The following ZFP1 variants were observed in gnomAD, a reference collection of about 807,000 sequenced individuals.
ZFP1 encodes the protein ZFP1 zinc finger protein, also known as zinc finger protein 1 homolog.
ZFP1 carries 32 observed loss-of-function variants against 38.5 expected under a neutral mutation model. That is an observed-to-expected ratio of 0.83 (90% CI 0.63 to 1.12). The LOEUF (loss-of-function observed/expected upper bound fraction) is 1.12. Ranked by LOEUF, ZFP1 falls within the 50% of genes most tolerant of loss-of-function variation. The probability of loss-of-function intolerance (pLI) is 0.00; values close to 1 mark genes in which losing one functional copy is unlikely to be tolerated. For missense variants in ZFP1, 616 were observed against 480.8 expected, an observed-to-expected ratio of 1.28 and a Z score of -2.63; for synonymous variants, 245 against 168.8, an observed-to-expected ratio of 1.45 and a Z score of -3.50.
Position 75,170,000 on chromosome 16 carries a change from A to T in ZFP1, c.890A>T (p.Glu297Val), listed in dbSNP as rs1260991747. Residue 297 changes from glutamate to valine, a missense_variant, in exon 4 of 4, where the codon GAG becomes GTG. Glu to Val is a moderately radical substitution (Grantham distance 121, BLOSUM62 -2). Coordinates refer to ENST00000570010, the MANE Select transcript of ZFP1 (RefSeq NM_153688.4). ...QRIHTGERPY[E>V]CNECAKTFFK... The stretch of plus-strand genomic sequence containing the variant: ...ATTCATACAGGAGAGCGACCCTATG[A>T]GTGTAACGAATGTGCAAAAACCTTC... The T allele has an allele frequency of 6.2e-7, 1 of 1,614,222 alleles. No individual in the cohort carries two copies. Among genetic ancestry groups the T allele is most frequent in the East Asian group, 2.2e-5 (1 of 44,888 alleles).
upstream of ZFP1, among the ~76,000 whole-genome samples, chr16:75,147,490 T>C (rs1467816872): frequency 2.0e-5 from 3 of 151,926 alleles, no homozygotes; most frequent in Non-Finnish European, 4.4e-5. Flanking sequence ...TTTCACCATT[T>C]TGGCCAGGCT....
intron 2 of ZFP1, chr16:75,166,550 G>A (rs2038092920): frequency 1.0e-6 from 1 of 985,058 alleles, no homozygotes; most frequent in African/African-American, 1.7e-5. Context: ...ATTAATCTGA[G>A]ACACCTATCA....
Position 75,166,756 on chromosome 16 carries a change from A to G in ZFP1, c.16-14A>G, listed in dbSNP as rs2038109392. ...AATGATCATCTTAGGATGAATAACA[A>G]TATGCCATTTCAGGGATCAGTTTCA... On this transcript the variant is annotated splice_polypyrimidine_tract_variant and intron_variant, in intron 2 of 3. Transcript: ENST00000570010. 4 of 1,614,052 alleles carry G rather than the reference A, an allele frequency of 2.5e-6. No individual in the cohort carries two copies. The African/African-American group carries it at 4.0e-5, about 16-fold the overall frequency.
Position 75,166,715 on chromosome 16 carries a change from C to A in ZFP1, c.16-55C>A, listed in dbSNP as rs1597081302. On this transcript the variant is annotated intron_variant, in intron 2 of 3. Transcript: ENST00000570010. ...TGAATGACATAAAGTTTTCATCTAT[C>A]CTTTCTATATCACCAAATGATCATC... 3.1e-6 allele frequency: 5 copies of A among 1,612,808 alleles called. No individual in the cohort carries two copies. In the South Asian group the frequency reaches 5.5e-5, roughly 18 times the overall value.
Position 75,164,726 on chromosome 16 carries a change from A to AG in ZFP1, c.16-2037dup, listed in dbSNP as rs575246009. Reference sequence around the variant, plus strand: ...GAATGGTTTTTAATTTTAATGGTTGAGGGGGGGAATATCAAAAGAATATTT... The same window carrying AG: ...GAATGGTTTTTAATTTTAATGGTTGAGGGGGGGGAATATCAAAAGAATATTT... On this transcript the variant is annotated intron_variant, in intron 2 of 3. Coordinates refer to ENST00000570010, the MANE Select transcript of ZFP1 (RefSeq NM_153688.4). 7.0e-4 allele frequency among the ~76,000 whole-genome samples: 106 copies of AG among 152,086 alleles called. 2 individuals carry two copies. The highest frequency in any genetic ancestry group is 5.3e-3 in the Admixed American group (81 of 15,254).
chr16:75,169,129 T>C, intron 3 of ZFP1, 124 bp from the exon 4 acceptor site: 1 of 1,252,656 alleles, frequency 8.0e-7, no homozygotes, highest in Non-Finnish European at 1.1e-6. Flanking sequence ...TTTTTAATAT[T>C]GGGAGACTGG....
At chr16:75,126,540 A>G in the ZFP1 span, among the ~76,000 whole-genome samples, 13 of 152,244 alleles carry the variant, frequency 8.5e-5, no homozygotes, top group South Asian at 1.5e-3. Flanking sequence ...GGTGGCTAGG[A>G]TTACAGGCAT....
chr16:75,166,747 T>C lies in ZFP1; in HGVS notation c.16-23T>C, dbSNP rs764499571. Reference sequence around the variant, plus strand: ...ATATCACCAAATGATCATCTTAGGATGAATAACAATATGCCATTTCAGGGA... The same window carrying C: ...ATATCACCAAATGATCATCTTAGGACGAATAACAATATGCCATTTCAGGGA... On this transcript the variant is annotated intron_variant, in intron 2 of 3. Coordinates refer to ENST00000570010, the MANE Select transcript of ZFP1 (RefSeq NM_153688.4). The C allele has an allele frequency of 9.3e-6, 15 of 1,614,022 alleles. No individual in the cohort carries two copies. In the East Asian group the frequency reaches 2.9e-4, roughly 31 times the overall value.
chr16:75,153,401 G>A (rs1368104662), intron 2 of ZFP1, among the ~76,000 whole-genome samples: 7 of 152,140 alleles, frequency 4.6e-5, no homozygotes. Flanking sequence ...TCCACCCCAA[G>A]CAGGTACCAC....
chr16:75,169,989 G>T lies in ZFP1; in HGVS notation c.879G>T (p.Glu293Asp). 6.2e-7 allele frequency: 1 copy of T among 1,614,158 alleles called. No homozygotes were observed. The highest frequency in any genetic ancestry group is 8.5e-7 in the Non-Finnish European group (1 of 1,180,026). The change falls in exon 4 of 4, where the codon GAG becomes GAT. Residue 293 changes from glutamate (E) to aspartate (D), a missense_variant. Coordinates refer to ENST00000570010, the MANE Select transcript of ZFP1 (RefSeq NM_153688.4). ...LTTHQRIHTG[E>D]RPYECNECAK... ...CACACCAGAGAATTCATACAGGAGA[G>T]CGACCCTATGAGTGTAACGAATGTG...
chr16:75,161,217 C>T (rs566224438), intron 2 of ZFP1, among the ~76,000 whole-genome samples: 3 of 152,032 alleles, frequency 2.0e-5, no homozygotes, highest in East Asian at 1.9e-4. Context: ...ACAAGGTGTG[C>T]GCCACCACGC....
chr16:75,164,259 T>G (rs1206119431), intron 2 of ZFP1, among the ~76,000 whole-genome samples: 1 of 151,586 alleles, frequency 6.6e-6, no homozygotes, highest in African/African-American at 2.4e-5. Flanking sequence ...TTAACAGACA[T>G]TTATCCCATT....
chr16:75,156,560 T>G (rs1226365961), intron 2 of ZFP1, among the ~76,000 whole-genome samples: 1 of 152,210 alleles, frequency 6.6e-6, no homozygotes. Flanking sequence ...GCTTTGACTT[T>G]CCTGAGAGTT....
At chr16:75,131,512 C>A in the ZFP1 span, among the ~76,000 whole-genome samples, 1 of 152,120 alleles carries the variant, frequency 6.6e-6, no homozygotes, top group Non-Finnish European at 1.5e-5. Flanking sequence ...TCTACCTACC[C>A]TCGTTTTTCT....
At chr16:75,141,327 C>T in the ZFP1 span, among the ~76,000 whole-genome samples, 23 of 151,306 alleles carry the variant, frequency 1.5e-4, no homozygotes, top group Admixed American at 1.1e-3. Flanking sequence ...CTCAGCCTCC[C>T]GAGTAGCTGG....
At chr16:75,131,515 G>A in the ZFP1 span, among the ~76,000 whole-genome samples, 71 of 152,066 alleles carry the variant, frequency 4.7e-4, 1 homozygote, top group African/African-American at 1.6e-3. Context: ...ACCTACCCTC[G>A]TTTTTCTTCC....
chr16:75,166,748 G>A (rs2038108604), intron 2 of ZFP1, 22 bp from the exon 3 acceptor site: 1 of 1,613,960 alleles, frequency 6.2e-7, no homozygotes. Context: ...ATCTTAGGAT[G>A]AATAACAATA....
At chr16:75,119,329 C>T in the ZFP1 span, among the ~76,000 whole-genome samples, 1 of 152,154 alleles carries the variant, frequency 6.6e-6, no homozygotes, top group East Asian at 1.9e-4. Flanking sequence ...CCCGGAAGCA[C>T]ACCCTCCAGA....
At chr16:75,145,593 G>T (rs1395708951), upstream of ZFP1, among the ~76,000 whole-genome samples, 4 of 152,196 alleles carry the variant, frequency 2.6e-5, no homozygotes, top group Non-Finnish European at 4.4e-5. Context: ...GAGGGGCAGA[G>T]GGGCAGAGCT....
Sources: allele counts gnomAD v4.1 joint callset (sites outside exome capture counted in the v4.1 genomes callset), GRCh38; gene constraint gnomAD v4.1.1; transcripts MANE v1.5; gene names NCBI Gene and HGNC (gene_info 2026-07-23, HGNC 2026-07-21).